HERC4: variants seen among roughly 807,000 people sequenced by gnomAD.
The protein encoded by HERC4 is probable E3 ubiquitin-protein ligase HERC4.
HERC4 carries 28 observed loss-of-function variants against 124.3 expected under a neutral mutation model. The ratio of observed to expected loss-of-function variants is 0.23; its 90% CI spans 0.17 to 0.31. The LOEUF (loss-of-function observed/expected upper bound fraction) is 0.31. HERC4 is among the 10% of genes least tolerant of loss of function. The pLI, the probability that HERC4 is intolerant of heterozygous loss-of-function variation, is 1.00. For missense variants in HERC4, 713 were observed against 1,229.3 expected (o/e 0.58, Z 6.28); for synonymous variants, 407 against 421.5 (o/e 0.97, Z 0.42).
In HERC4 at chr10:68,014,051, A is replaced by G. The variant is rs374051912; in HGVS notation, c.1044T>C (p.Tyr348=). The G allele has an allele frequency of 2.4e-5, 39 of 1,612,520 alleles. No homozygotes were observed. The highest frequency in any genetic ancestry group is 3.1e-5 in the Non-Finnish European group (37 of 1,179,314). ...PFTVKGNWYP[Y]NGQCLPDIDS... is the part of the protein sequence containing the mutation. ...CAATATCTGGTAGACACTGCCCATTATAGGGGTACCAATTTCCTTTTACAG... is the reference window on the plus strand; with the variant it reads ...CAATATCTGGTAGACACTGCCCATTGTAGGGGTACCAATTTCCTTTTACAG... The change falls in exon 9 of 25, where the codon TAT becomes TAC. Residue 348 remains tyrosine, a synonymous_variant. Coordinates refer to ENST00000373700, the MANE Select transcript of HERC4 (RefSeq NM_015601.4).
rs529389311 is a variant in HERC4, at chr10:67,962,080, T to A, written c.1926+4603A>T. On this transcript the variant is annotated intron_variant, in intron 16 of 24. Coordinates refer to ENST00000373700, the MANE Select transcript of HERC4 (RefSeq NM_015601.4). Reference sequence around the variant, plus strand: ...AGAACTTTATTATTTTAAAGCAGCTTTAGATTCACAGCAAAATTGAAAGTA... The same window carrying A: ...AGAACTTTATTATTTTAAAGCAGCTATAGATTCACAGCAAAATTGAAAGTA... 3.3e-5 allele frequency among the ~76,000 whole-genome samples: 5 copies of A among 152,268 alleles called. No individual in the cohort carries two copies. The South Asian group carries it at 1.0e-3, about 32-fold the overall frequency.
chr10:67,971,975 A>C (rs191091872), intron 15 of HERC4, among the ~76,000 whole-genome samples: 2,327 of 152,216 alleles, frequency 0.015, 71 homozygotes, highest in African/African-American at 0.053. Flanking sequence ...GCACTTTGGG[A>C]GGCTGAGGCA....
chr10:67,995,381 GA>G lies in HERC4; in HGVS notation c.1070-2700del, dbSNP rs1197851274. 10 of 348,396 alleles carry G rather than the reference GA, an allele frequency of 2.9e-5. No individual in the cohort carries two copies. The East Asian group carries it at 9.4e-4, about 33-fold the overall frequency. The allele number at this position is 348,396 out of a possible 1,614,324, so 21.6% of individuals were successfully genotyped here. A position where few individuals can be genotyped will look rare whatever the true frequency, so the allele number is the denominator to read the frequency against. On this transcript the variant is annotated intron_variant, in intron 9 of 24. Coordinates refer to ENST00000373700, the MANE Select transcript of HERC4 (RefSeq NM_015601.4). ...CTATTATATAGTTATCTTATAACAG[GA>G]AAGAGAGGATTAATGCTTGATCTAT... is the stretch of plus-strand genomic sequence containing the variant.
At chr10:67,982,166 A>G (rs1462572360) in intron 15 of HERC4, among the ~76,000 whole-genome samples, 1 of 152,200 alleles carries the variant, frequency 6.6e-6, no homozygotes, top group Non-Finnish European at 1.5e-5. Flanking sequence ...AGCTATCTTA[A>G]GCAAAAAGAA....
chr10:67,937,454 T>A (rs2032464113), intron 21 of HERC4, among the ~76,000 whole-genome samples: 1 of 152,194 alleles, frequency 6.6e-6, no homozygotes, highest in Non-Finnish European at 1.5e-5. Flanking sequence ...TGGTGACTGA[T>A]AAATTAGAAA....
intron 23 of HERC4, among the ~76,000 whole-genome samples, chr10:67,929,342 T>C (rs546045319): frequency 9.2e-5 from 14 of 152,328 alleles, no homozygotes; most frequent in African/African-American, 3.4e-4. Context: ...TAGATGCCTC[T>C]TGTGCTACCT....
At chr10:68,039,827 G>T in intron 4 of HERC4, 2 of 1,025,602 alleles carry the variant, frequency 2.0e-6, no homozygotes, top group Non-Finnish European at 2.3e-6. Flanking sequence ...ACATTGACCT[G>T]TTCAGCATAT....
chr10:67,986,316 A>G (rs1564512800), intron 15 of HERC4, among the ~76,000 whole-genome samples: 1 of 152,224 alleles, frequency 6.6e-6, no homozygotes, highest in Non-Finnish European at 1.5e-5. Flanking sequence ...TGGTAACAAA[A>G]TCACTGTCTT....
intron 8 of HERC4, among the ~76,000 whole-genome samples, chr10:68,020,895 G>T (rs2038582747): frequency 6.6e-6 from 1 of 151,976 alleles, no homozygotes; most frequent in Non-Finnish European, 1.5e-5. Context: ...TAGGACAGTT[G>T]CAATTATTGA....
chr10:67,975,259 T>C (rs1020107881), intron 15 of HERC4, among the ~76,000 whole-genome samples: 1 of 152,144 alleles, frequency 6.6e-6, no homozygotes, highest in South Asian at 2.1e-4. Context: ...AAAGTGGACT[T>C]CATGTACATT....
intron 7 of HERC4, among the ~76,000 whole-genome samples, chr10:68,031,524 G>C (rs2039201951): frequency 1.3e-5 from 2 of 152,006 alleles, no homozygotes; most frequent in Admixed American, 1.3e-4. Flanking sequence ...GCAAAAAAAT[G>C]AAATTACTTT....
At position 67,988,696 on chromosome 10, in the gene HERC4, A is replaced by G. The variant is rs1377740818; in HGVS notation, c.1773T>C (p.His591=). The G allele has an allele frequency of 1.3e-6, 2 of 1,592,382 alleles. No homozygotes were observed. The highest frequency in any genetic ancestry group is 2.2e-5 in the East Asian group (1 of 44,642). Residue 591 remains histidine, a synonymous_variant, in exon 15 of 25, where the codon CAT becomes CAC. Transcript: ENST00000373700. ...GTATTTCTAAAACCTTTAATGCAGT[A>G]TGAAGAAAACTGTTGAAAATTCTTC... ...SERRIFNSFL[H]TALKVLEILH... is the part of the protein sequence containing the mutation.
At chr10:68,065,390 T>C (rs1589467778) in intron 3 of HERC4, among the ~76,000 whole-genome samples, 1 of 152,170 alleles carries the variant, frequency 6.6e-6, no homozygotes, top group Non-Finnish European at 1.5e-5. Flanking sequence ...GTAATTAATA[T>C]ATTTTCAAAT....
intron 6 of HERC4, among the ~76,000 whole-genome samples, 172 bp from the exon 7 acceptor site, chr10:68,033,041 T>C (rs2039289017): frequency 6.6e-6 from 1 of 152,170 alleles, no homozygotes; most frequent in Non-Finnish European, 1.5e-5. Flanking sequence ...GGCCTATCCA[T>C]ACTATTGTGA....
At chr10:68,050,290 TG>T (rs1264886922) in intron 3 of HERC4, among the ~76,000 whole-genome samples, 15 of 152,234 alleles carry the variant, frequency 9.9e-5, no homozygotes, top group African/African-American at 3.1e-4. Flanking sequence ...CTTCTCAATG[TG>T]TATTTAAATT....
chr10:67,945,893 A>C (rs1393946247), intron 19 of HERC4, among the ~76,000 whole-genome samples: 1 of 152,054 alleles, frequency 6.6e-6, no homozygotes, highest in Non-Finnish European at 1.5e-5. Flanking sequence ...TTTCACAAAA[A>C]GGAATGGAAT....
intron 6 of HERC4, 145 bp from the exon 7 acceptor site, chr10:68,033,014 A>C: frequency 1.7e-6 from 1 of 602,622 alleles, no homozygotes; most frequent in African/African-American, 1.8e-5. Flanking sequence ...GTACAAGCTT[A>C]CTAAGTCAGG....
At chr10:68,061,126 C>T (rs1276904964) in intron 3 of HERC4, among the ~76,000 whole-genome samples, 2 of 152,044 alleles carry the variant, frequency 1.3e-5, no homozygotes, top group East Asian at 1.9e-4. Context: ...CTACATTGCC[C>T]GCATATATAC....
At chr10:68,050,914 C>A (rs1367828535) in intron 3 of HERC4, among the ~76,000 whole-genome samples, 2 of 151,966 alleles carry the variant, frequency 1.3e-5, no homozygotes, top group Non-Finnish European at 2.9e-5. Flanking sequence ...CAGTAATGTT[C>A]CGTGTAAGAA....
Sources: allele counts gnomAD v4.1 joint callset (sites outside exome capture counted in the v4.1 genomes callset), GRCh38; gene constraint gnomAD v4.1.1; transcripts MANE v1.5; gene names NCBI Gene and HGNC (gene_info 2026-07-23, HGNC 2026-07-21).